Variants in EPHB2 observed in about 807,000 individuals in gnomAD.
EPHB2 encodes the protein ephrin type-B receptor 2.
A neutral mutation model predicts 96.4 loss-of-function variants in EPHB2; 18 were observed. The ratio of observed to expected loss-of-function variants is 0.19; its 90% CI spans 0.13 to 0.28. EPHB2 has a LOEUF of 0.28. EPHB2 is among the 10% of genes least tolerant of loss of function. The pLI, the probability that EPHB2 is intolerant of heterozygous loss-of-function variation, is 1.00. For synonymous variants in EPHB2, 506 were observed against 534.1 expected (o/e 0.95, Z 0.72); for missense variants, 989 against 1,355.4 (o/e 0.73, Z 4.25).
At chr1:22,839,019 A>G (rs1446082781) in intron 3 of EPHB2, among the ~76,000 whole-genome samples, 3 of 152,206 alleles carry the variant, frequency 2.0e-5, no homozygotes, top group African/African-American at 7.2e-5. Flanking sequence ...CTAGAGGGTC[A>G]GGTATAATTG....
In EPHB2 at chr1:22,760,173, C is replaced by T. The variant is rs746436858; in HGVS notation, c.62-21248C>T. Among the ~76,000 whole-genome samples, 5 of 152,162 alleles carry T rather than the reference C, an allele frequency of 3.3e-5. No individual in the cohort carries two copies. The East Asian group carries it at 7.7e-4, about 23-fold the overall frequency. ...CATAACCTGACTCAGTCTTGCCCCCCAAGACCCCACAGTTTGGTGGAGGTG... is the reference window on the plus strand; with the variant it reads ...CATAACCTGACTCAGTCTTGCCCCCTAAGACCCCACAGTTTGGTGGAGGTG... On this transcript the variant is annotated intron_variant, in intron 1 of 15. Coordinates refer to ENST00000374630, the MANE Select transcript of EPHB2 (RefSeq NM_017449.5).
rs913295077 is a variant in EPHB2 at position 22,914,185 on chromosome 1, A to G, written c.*615A>G. ...CTTTGGAGAGTATTTTAGAAACTCCAATGAAAGACACTGTTTCTCCTGTTG... is the reference window on the plus strand; with the variant it reads ...CTTTGGAGAGTATTTTAGAAACTCCGATGAAAGACACTGTTTCTCCTGTTG... On this transcript the variant is annotated 3_prime_UTR_variant, in exon 16 of 16. Coordinates refer to ENST00000374630, the MANE Select transcript of EPHB2 (RefSeq NM_017449.5). The G allele has an allele frequency of 6.8e-6, 2 of 292,380 alleles. No homozygotes were observed. Among genetic ancestry groups the G allele is most frequent in the African/African-American group, 4.4e-5 (2 of 45,740 alleles). 18.1% of individuals were successfully genotyped at this position (292,380 alleles called of 1,614,324 possible). A position where few individuals can be genotyped will look rare whatever the true frequency, so the allele number is the denominator to read the frequency against.
chr1:22,908,426 A>C (rs1008770151), intron 12 of EPHB2, among the ~76,000 whole-genome samples: 4 of 152,224 alleles, frequency 2.6e-5, no homozygotes, highest in Non-Finnish European at 5.9e-5. Context: ...AAGGCTTGCT[A>C]GAGAGGTTGA....
chr1:22,810,042 G>A (rs148719746), intron 3 of EPHB2, among the ~76,000 whole-genome samples: 1 of 152,306 alleles, frequency 6.6e-6, no homozygotes, highest in African/African-American at 2.4e-5. Context: ...GGCATTCCAG[G>A]TGGAGAATTC....
rs1345694016 is a variant in EPHB2 at position 22,864,931 on chromosome 1, T to G, written c.1022T>G (p.Met341Arg). Residue 341 changes from methionine to arginine, a missense_variant, in exon 5 of 16, where the codon ATG becomes AGG. Met to Arg is a moderately conservative substitution (Grantham distance 91). Transcript: ENST00000374630. ...TCCAGTGTCAATGAGACCTCCCTCA[T>G]GCTGGAGTGGACCCCTCCCCGCGAC... ...VISSVNETSL[M>R]LEWTPPRDSG... 3 of 1,605,486 alleles carry G rather than the reference T, an allele frequency of 1.9e-6. No individual in the cohort carries two copies. Among genetic ancestry groups the G allele is most frequent in the Admixed American group, 1.7e-5 (1 of 59,528 alleles).
chr1:22,723,176 C>T (rs1033614813), intron 1 of EPHB2, among the ~76,000 whole-genome samples: 10 of 152,344 alleles, frequency 6.6e-5, no homozygotes, highest in African/African-American at 1.2e-4. Flanking sequence ...GCATCTGAAA[C>T]GTGTAAGTGG....
intron 6 of EPHB2, among the ~76,000 whole-genome samples, chr1:22,884,774 C>T (rs1639169982): frequency 6.6e-6 from 1 of 152,156 alleles, no homozygotes; most frequent in African/African-American, 2.4e-5. Context: ...AGCCTAACAT[C>T]ACCTCCTCAG....
intron 3 of EPHB2, 92 bp downstream of exon 3, chr1:22,785,168 A>G: frequency 6.6e-7 from 1 of 1,504,566 alleles, no homozygotes; most frequent in Non-Finnish European, 9.0e-7. Flanking sequence ...TGGCCTCTGA[A>G]GCTTAGAGCT....
chr1:22,882,470 A>C lies in EPHB2; in HGVS notation c.1415A>C (p.Gln472Pro), dbSNP rs756522907. The C allele has an allele frequency of 8.7e-6, 14 of 1,614,090 alleles. No homozygotes were observed. The highest frequency in any genetic ancestry group is 1.1e-5 in the Non-Finnish European group (13 of 1,179,948). The change falls in exon 6 of 16, where the codon CAG becomes CCG. Residue 472 changes from glutamine to proline, a missense_variant. Gln to Pro is a moderately conservative substitution (Grantham distance 76). Coordinates refer to ENST00000374630, the MANE Select transcript of EPHB2 (RefSeq NM_017449.5). ...PNGVILDYEL[Q>P]YYEKELSEYN... ...GGCGTGATCCTGGACTATGAGCTGC[A>C]GTACTATGAGAAGGTACCTATTGGC...
intron 1 of EPHB2, among the ~76,000 whole-genome samples, chr1:22,734,092 C>A (rs1173458450): frequency 2.6e-5 from 4 of 152,216 alleles, no homozygotes; most frequent in African/African-American, 9.6e-5. Flanking sequence ...GGCCTCCCAC[C>A]CAGGGCCAGC....
chr1:22,900,765 T>C (rs1287280395), intron 9 of EPHB2, among the ~76,000 whole-genome samples: 2 of 152,162 alleles, frequency 1.3e-5, no homozygotes, highest in Non-Finnish European at 2.9e-5. Context: ...AGCTCTAACG[T>C]TAGATCCAAG....
At chr1:22,714,342 A>T (rs922464255) in intron 1 of EPHB2, among the ~76,000 whole-genome samples, 3 of 152,208 alleles carry the variant, frequency 2.0e-5, no homozygotes. Flanking sequence ...TTTCTTAGCC[A>T]CCTGTCATGC....
intron 1 of EPHB2, among the ~76,000 whole-genome samples, chr1:22,763,484 G>A (rs1644263677): frequency 6.6e-6 from 1 of 152,070 alleles, no homozygotes; most frequent in Non-Finnish European, 1.5e-5. Context: ...CACGGTGGAG[G>A]TGGGGTGGCT....
At chr1:22,845,736 A>G (rs1388415594) in intron 3 of EPHB2, among the ~76,000 whole-genome samples, 1 of 152,146 alleles carries the variant, frequency 6.6e-6, no homozygotes, top group African/African-American at 2.4e-5. Context: ...ACACACACGT[A>G]CACAGACAGC....
At chr1:22,834,933 A>T (rs1274893434) in intron 3 of EPHB2, among the ~76,000 whole-genome samples, 2 of 152,110 alleles carry the variant, frequency 1.3e-5, no homozygotes, top group Non-Finnish European at 2.9e-5. Flanking sequence ...TCAAAAAAAT[A>T]AAAAAATAAA....
chr1:22,812,714 G>A lies in EPHB2; in HGVS notation c.811+27638G>A, dbSNP rs528774894. Among the ~76,000 whole-genome samples, 176 of 152,320 alleles carry A rather than the reference G, an allele frequency of 1.2e-3. 1 individual carries two copies. Among genetic ancestry groups the A allele is most frequent in the African/African-American group, 4.1e-3 (170 of 41,572 alleles). ...TAAAATGGGCATAGTAACAGCTATA[G>A]GGATGAAAGAAGTTGGAGCAAGCCT... On this transcript the variant is annotated intron_variant, in intron 3 of 15. Transcript: ENST00000374630.
chr1:22,771,779 G>C (rs1570248324), intron 1 of EPHB2, among the ~76,000 whole-genome samples: 1 of 152,214 alleles, frequency 6.6e-6, no homozygotes, highest in Non-Finnish European at 1.5e-5. Flanking sequence ...TGTGAAAACT[G>C]TGGGTTCATT....
At chr1:22,717,859 C>T (rs1570141537) in intron 1 of EPHB2, among the ~76,000 whole-genome samples, 1 of 152,264 alleles carries the variant, frequency 6.6e-6, no homozygotes. Context: ...TCAGACTGCT[C>T]CGTACTGTGT....
At chr1:22,740,898 T>A (rs1643893715) in intron 1 of EPHB2, among the ~76,000 whole-genome samples, 1 of 152,130 alleles carries the variant, frequency 6.6e-6, no homozygotes, top group African/African-American at 2.4e-5. Flanking sequence ...GAACAGAACC[T>A]TCCTCCCCTG....
Sources: allele counts gnomAD v4.1 joint callset (sites outside exome capture counted in the v4.1 genomes callset), GRCh38; gene constraint gnomAD v4.1.1; transcripts MANE v1.5; gene names NCBI Gene and HGNC (gene_info 2026-07-23, HGNC 2026-07-21).